Variants in RPL4 observed in about 807,000 individuals in gnomAD.
RPL4 encodes the protein ribosomal protein L4.
In RPL4, 3 loss-of-function variants were observed where a neutral mutation model predicts 47.7. The ratio of observed to expected loss-of-function variants is 0.06; its 90% CI spans 0.03 to 0.16. The LOEUF is 0.16. RPL4 is among the 10% of genes least tolerant of loss of function. The probability of loss-of-function intolerance (pLI) is 1.00; values close to 1 mark genes in which losing one functional copy is unlikely to be tolerated. For missense variants in RPL4, 413 were observed against 551.3 expected, an observed-to-expected ratio of 0.75 and a Z score of 2.51; for synonymous variants, 208 against 182.1, an observed-to-expected ratio of 1.14 and a Z score of -1.15.
At chr15:66,503,846 A>C (rs1000408247) in intron 1 of RPL4, among the ~76,000 whole-genome samples, 2 of 152,168 alleles carry the variant, frequency 1.3e-5, no homozygotes, top group African/African-American at 4.8e-5. Context: ...AATCCTGTCT[A>C]CCCGGGCTCT....
At chr15:66,502,834 A>G (rs151147579) in intron 3 of RPL4, 84 bp from the exon 4 acceptor site, 155 of 1,594,130 alleles carry the variant, frequency 9.7e-5, no homozygotes, top group Admixed American at 2.5e-4. Context: ...ATTTTCGTCA[A>G]CCTTCTGTAC....
Position 66,499,333 on chromosome 15 carries a change from G to A in RPL4, c.*74C>T. 6.6e-7 allele frequency: 1 copy of A among 1,514,734 alleles called. No homozygotes were observed. The highest frequency in any genetic ancestry group is 1.4e-5 in the African/African-American group (1 of 71,520). 93.8% of individuals were successfully genotyped at this position (1,514,734 alleles called of 1,614,324 possible). A position where few individuals can be genotyped will look rare whatever the true frequency, so the allele number is the denominator to read the frequency against. On this transcript the variant is annotated 3_prime_UTR_variant, in exon 10 of 10. Transcript: ENST00000307961. ...CACCAAGTCATGTTTCTCACTGCCTGTATAATCAGGTCTTTATTCAAAAGA... is the reference window on the plus strand; with the variant it reads ...CACCAAGTCATGTTTCTCACTGCCTATATAATCAGGTCTTTATTCAAAAGA...
rs2140711996 is a variant in RPL4 at position 66,499,928 on chromosome 15, CAGA to C, written c.1038+125_1038+127del. The C allele has an allele frequency of 2.5e-6, 3 of 1,221,560 alleles. No homozygotes were observed. The East Asian group carries it at 7.5e-5, about 30-fold the overall frequency. 75.7% of individuals were successfully genotyped at this position (1,221,560 alleles called of 1,614,324 possible). A position where few individuals can be genotyped will look rare whatever the true frequency, so the allele number is the denominator to read the frequency against. ...GTGCCAGCTACTTGGGAGGCTGAGACAGAAGAACTGCTTGAACTTGGTAGGTGG... is the reference window on the plus strand; with the variant it reads ...GTGCCAGCTACTTGGGAGGCTGAGACAGAACTGCTTGAACTTGGTAGGTGG... On this transcript the variant is annotated intron_variant, in intron 9 of 9. Transcript: ENST00000307961.
Position 66,499,310 on chromosome 15 carries a change from CCAAGT to C in RPL4, c.*92_*96del, listed in dbSNP as rs1893546660. 3 of 1,458,196 alleles carry C rather than the reference CCAAGT, an allele frequency of 2.1e-6. No homozygotes were observed. The highest frequency in any genetic ancestry group is 2.2e-5 in the Admixed American group (1 of 45,448). The allele number at this position is 1,458,196 out of a possible 1,614,324, so 90.3% of individuals were successfully genotyped here. On this transcript the variant is annotated 3_prime_UTR_variant, in exon 10 of 10. Transcript: ENST00000307961. ...TTCTAACCAAGCTTTACAGAGCACA[CCAAGT>C]CATGTTTCTCACTGCCTGTATAATC... is the stretch of plus-strand genomic sequence containing the variant.
At chr15:66,503,288 C>G in intron 2 of RPL4, 70 bp downstream of exon 2, 1 of 1,596,646 alleles carries the variant, frequency 6.3e-7, no homozygotes. Context: ...AAACACGGAC[C>G]AATGAAGTGG....
At position 66,501,395 on chromosome 15, in the gene RPL4, T is replaced by C. The variant is rs1893611824; in HGVS notation, c.656A>G (p.Lys219Arg). 6.2e-7 allele frequency: 1 copy of C among 1,614,066 alleles called. No homozygotes were observed. Among genetic ancestry groups the C allele is most frequent in the South Asian group, 1.1e-5 (1 of 91,086 alleles). ...IIYNEDNGII[K>R]AFRNIPGITL... is the part of the protein sequence containing the mutation. ...ATTACCAGGGATGTTTCTGAAGGCC[T>C]TGATGATACCATTATCCTCATTATA... The change falls in exon 6 of 10, where the codon AAG becomes AGG. Residue 219 changes from lysine to arginine, a missense_variant. Lys to Arg is a conservative substitution (Grantham distance 26, BLOSUM62 2). Around this residue, in one of 4 missense-constraint regions of RPL4, gnomAD observed 214 missense variants for 304.2 expected, o/e 0.70. Transcript: ENST00000307961.
chr15:66,500,848 A>AT, intron 7 of RPL4, 101 bp downstream of exon 7: 1 of 1,408,240 alleles, frequency 7.1e-7, no homozygotes, highest in Non-Finnish European at 9.7e-7. Context: ...GTTGCTGCAC[A>AT]TAAGGGGAAA....
chr15:66,501,762 A>T, intron 5 of RPL4, 26 bp downstream of exon 5: 3 of 1,605,346 alleles, frequency 1.9e-6, no homozygotes, highest in Middle Eastern at 4.6e-4. Context: ...GGAGTACCAA[A>T]CTGTAAATGT....
rs143921047 is a variant in RPL4 at position 66,501,020 on chromosome 15, T to G, written c.762A>C (p.Glu254Asp). 670 of 1,613,974 alleles carry G rather than the reference T, an allele frequency of 4.2e-4. 2 individuals are homozygous for G. The African/African-American group carries it at 8.2e-3, about 20-fold the overall frequency. Residue 254 changes from glutamate (E) to aspartate (D), a missense_variant, in exon 7 of 10, where the codon GAA becomes GAC. Around this residue, in one of 4 missense-constraint regions of RPL4, gnomAD observed 214 missense variants for 304.2 expected, o/e 0.70. Coordinates refer to ENST00000307961, the MANE Select transcript of RPL4 (RefSeq NM_000968.4). ...ATTCATCTAACTTCCGGAAAGCACT[T>G]TCAGTCCAAATGCAGAAACGTCCCA... ...GHVGRFCIWT[E>D]SAFRKLDELY...
intron 7 of RPL4, 61 bp from the exon 8 acceptor site, chr15:66,500,437 A>C: frequency 4.7e-5 from 67 of 1,410,976 alleles, no homozygotes; most frequent in Non-Finnish European, 6.2e-5. Context: ...CAGGAAGCTC[A>C]ACTGAAGCTT....
chr15:66,501,238 C>T, intron 6 of RPL4, 133 bp from the exon 7 acceptor site: 1 of 1,547,840 alleles, frequency 6.5e-7, no homozygotes, highest in Non-Finnish European at 8.9e-7. Flanking sequence ...AATGGTGCAA[C>T]TCTTTCAGCC....
chr15:66,499,884 A>G (rs1893574282), intron 9 of RPL4, 172 bp downstream of exon 9: 1 of 939,190 alleles, frequency 1.1e-6, no homozygotes, highest in Non-Finnish European at 1.6e-6. Context: ...TTAGCCGGAC[A>G]TGGTGGCGTG....
Position 66,499,752 on chromosome 15 carries a change from G to A in RPL4, c.1039-100C>T, listed in dbSNP as rs143612598. 1.0e-4 allele frequency: 154 copies of A among 1,508,474 alleles called. 1 individual carries two copies. Among genetic ancestry groups the A allele is most frequent in the South Asian group, 5.4e-4 (42 of 78,316 alleles). The allele number at this position is 1,508,474 out of a possible 1,614,324, so 93.4% of individuals were successfully genotyped here. ...AAAACAAAACAAACCAGCCGGGCACGGTGGCTCACGCCTGTAATCCCAGCA... is the reference window on the plus strand; with the variant it reads ...AAAACAAAACAAACCAGCCGGGCACAGTGGCTCACGCCTGTAATCCCAGCA... On this transcript the variant is annotated intron_variant, in intron 9 of 9. Coordinates refer to ENST00000307961, the MANE Select transcript of RPL4 (RefSeq NM_000968.4).
rs529191889 is a variant in RPL4 at position 66,499,694 on chromosome 15, G to C, written c.1039-42C>G. The C allele has an allele frequency of 2.5e-6, 4 of 1,609,010 alleles. No individual in the cohort carries two copies. In the African/African-American group the frequency reaches 4.0e-5, roughly 16 times the overall value. On this transcript the variant is annotated intron_variant, in intron 9 of 9. Transcript: ENST00000307961. Reference sequence around the variant, plus strand: ...AGAAAACAGTAAGAATCAAATCCCTGTAAGAACTTAATGTATCAGGAAGAG... The same window carrying C: ...AGAAAACAGTAAGAATCAAATCCCTCTAAGAACTTAATGTATCAGGAAGAG...
intron 1 of RPL4, 111 bp downstream of exon 1, chr15:66,504,677 C>T: frequency 6.7e-7 from 1 of 1,492,590 alleles, no homozygotes; most frequent in Non-Finnish European, 9.1e-7. Flanking sequence ...CTTTGGTCCT[C>T]ATCTCCCTCT....
chr15:66,503,309 C>A, intron 2 of RPL4, 49 bp downstream of exon 2: 1 of 1,606,720 alleles, frequency 6.2e-7, no homozygotes, highest in African/African-American at 1.3e-5. Context: ...AATTTCATCA[C>A]TACTGTAAAG....
rs756838913 is a variant in RPL4, at chr15:66,501,412, C to T, written c.639G>A (p.Glu213=). 1 of 1,614,000 alleles carries T rather than the reference C, an allele frequency of 6.2e-7. No homozygotes were observed. The highest frequency in any genetic ancestry group is 1.7e-5 in the Admixed American group (1 of 60,002). ...TGAAGGCCTTGATGATACCATTATC[C>T]TCATTATAGATGATGCACGGGCCCC... The part of the protein sequence containing the change: ...QRRGPCIIYN[E]DNGIIKAFRN... Residue 213 remains glutamate, a synonymous_variant, in exon 6 of 10, where the codon GAG becomes GAA. Transcript: ENST00000307961.
Position 66,499,671 on chromosome 15 carries a change from A to G in RPL4, c.1039-19T>C, listed in dbSNP as rs1244711747. 6.2e-7 allele frequency: 1 copy of G among 1,612,838 alleles called. No individual in the cohort carries two copies. The highest frequency in any genetic ancestry group is 8.5e-7 in the Non-Finnish European group (1 of 1,179,536). Reference sequence around the variant, plus strand: ...GCTTGTGCTGCAACAAATTAGGCAGAAAACAGTAAGAATCAAATCCCTGTA... The same window carrying G: ...GCTTGTGCTGCAACAAATTAGGCAGGAAACAGTAAGAATCAAATCCCTGTA... On this transcript the variant is annotated intron_variant, in intron 9 of 9. Coordinates refer to ENST00000307961, the MANE Select transcript of RPL4 (RefSeq NM_000968.4).
chr15:66,503,347 T>C lies in RPL4; in HGVS notation c.175+11A>G, dbSNP rs762033909. On this transcript the variant is annotated intron_variant, in intron 2 of 9. Transcript: ENST00000307961. ...GTCCCTAAAATATCTGCAGAAGATA[T>C]AAATCCATACCTGCTAATTCACTGA... The C allele has an allele frequency of 1.2e-6, 2 of 1,611,268 alleles. No homozygotes were observed. The highest frequency in any genetic ancestry group is 1.1e-5 in the South Asian group (1 of 91,004).
Sources: allele counts gnomAD v4.1 joint callset (sites outside exome capture counted in the v4.1 genomes callset), GRCh38; gene constraint gnomAD v4.1.1; regional missense constraint gnomAD v4.1.1; transcripts MANE v1.5; gene names NCBI Gene and HGNC (gene_info 2026-07-23, HGNC 2026-07-21).